AFF2: variants seen among roughly 807,000 people sequenced by gnomAD.
AFF2 encodes the protein AF4/FMR2 family member 2.
Under a neutral mutation model 76.9 loss-of-function variants are expected in AFF2, and 14 were observed. The ratio of observed to expected loss-of-function variants is 0.18; its 90% CI spans 0.12 to 0.28. The LOEUF (loss-of-function observed/expected upper bound fraction) is 0.28, where lower values mean the gene tolerates loss of function less well. Ranked by LOEUF, AFF2 falls within the 10% of genes least tolerant of loss-of-function variation. The pLI is 1.00. For missense variants in AFF2, 868 were observed against 1,001.1 expected, an observed-to-expected ratio of 0.87 and a Z score of 1.79; for synonymous variants, 398 against 366.7, an observed-to-expected ratio of 1.09 and a Z score of -0.98.
At chrX:148,716,913 G>A (rs782225089) in intron 3 of AFF2, among the ~76,000 whole-genome samples, 50 of 111,711 alleles carry the variant, frequency 4.5e-4, no homozygotes, top group Non-Finnish European at 7.9e-4. Context: ...AGAGGGAGGA[G>A]ACAGATAATA....
chrX:148,986,784 C>T (rs984544650), intron 19 of AFF2, among the ~76,000 whole-genome samples: 28 of 113,127 alleles, frequency 2.5e-4, no homozygotes, highest in South Asian at 3.6e-4. Context: ...TGCTGATAGC[C>T]GTTCCAGCAG....
chrX:148,542,316 A>G (rs782719991), intron 1 of AFF2, among the ~76,000 whole-genome samples: 4 of 107,993 alleles, frequency 3.7e-5, no homozygotes, highest in Admixed American at 3.1e-4. Flanking sequence ...TAGCGAACCA[A>G]CATTTCCCAA....
intron 4 of AFF2, among the ~76,000 whole-genome samples, chrX:148,824,805 G>T (rs2070368535): frequency 9.0e-6 from 1 of 111,576 alleles, no homozygotes; most frequent in African/African-American, 3.3e-5. Context: ...GGAGGCTGAG[G>T]TGAGAGGACT....
chrX:148,624,218 C>T (rs2053899405), intron 1 of AFF2, among the ~76,000 whole-genome samples: 2 of 111,370 alleles, frequency 1.8e-5, no homozygotes, highest in Admixed American at 1.9e-4. Context: ...CCCATCACCA[C>T]GTCTAACCTC....
intron 3 of AFF2, among the ~76,000 whole-genome samples, chrX:148,754,346 C>T (rs1557266715): frequency 9.0e-6 from 1 of 110,679 alleles, no homozygotes; most frequent in African/African-American, 3.3e-5. Context: ...TCCTAAGAAA[C>T]TTTGGAGGAT....
chrX:148,960,315 C>G (rs782369056), intron 12 of AFF2, among the ~76,000 whole-genome samples: 1 of 112,631 alleles, frequency 8.9e-6, no homozygotes, highest in South Asian at 3.7e-4. Context: ...CCCCAATCCA[C>G]TGAGTCATCT....
rs186156042 is a variant in AFF2, at chrX:148,819,092, C to A, written c.1086+9172C>A. On this transcript the variant is annotated intron_variant, in intron 4 of 20. Coordinates refer to ENST00000370460, the MANE Select transcript of AFF2 (RefSeq NM_002025.4). ...ACTCATATAATCACTATATCAATGCCGAGAAGCAAGTACTATTATCATCCC... is the reference window on the plus strand; with the variant it reads ...ACTCATATAATCACTATATCAATGCAGAGAAGCAAGTACTATTATCATCCC... Among the ~76,000 whole-genome samples, 89 of 110,711 alleles carry A rather than the reference C, an allele frequency of 8.0e-4. 6 individuals are homozygous for A. The South Asian group carries it at 0.032, about 40-fold the overall frequency.
intron 3 of AFF2, among the ~76,000 whole-genome samples, chrX:148,725,944 G>C (rs946309368): frequency 1.8e-5 from 2 of 111,677 alleles, no homozygotes; most frequent in African/African-American, 6.5e-5. Flanking sequence ...GTGTTGAAGG[G>C]CTATAGGCCA....
At chrX:148,861,100 A>C (rs917058972) in intron 7 of AFF2, among the ~76,000 whole-genome samples, 3 of 111,994 alleles carry the variant, frequency 2.7e-5, no homozygotes, top group Non-Finnish European at 5.6e-5. Context: ...TGGGAGAATC[A>C]TGTATGTGTC....
chrX:148,599,788 G>C (rs782211077), intron 1 of AFF2, among the ~76,000 whole-genome samples: 45 of 112,041 alleles, frequency 4.0e-4, no homozygotes, highest in Middle Eastern at 9.1e-3. Flanking sequence ...GAAATACTTA[G>C]ATTTGTTCTT....
intron 3 of AFF2, among the ~76,000 whole-genome samples, chrX:148,697,193 G>T (rs1192455168): frequency 8.9e-6 from 1 of 112,426 alleles, no homozygotes; most frequent in Non-Finnish European, 1.9e-5. Context: ...TGTGTATGTT[G>T]TGGAAATCCA....
chrX:148,849,076 A>G (rs2070700970), intron 7 of AFF2, among the ~76,000 whole-genome samples: 1 of 111,521 alleles, frequency 9.0e-6, no homozygotes, highest in Non-Finnish European at 1.9e-5. Flanking sequence ...GGCTAATGTG[A>G]CAACAAGCAA....
chrX:148,774,057 T>C (rs782204321), intron 3 of AFF2, among the ~76,000 whole-genome samples: 1 of 111,633 alleles, frequency 9.0e-6, no homozygotes, highest in African/African-American at 3.3e-5. Context: ...CAAGTATAAC[T>C]AGCAGCACAT....
chrX:148,945,722 C>G (rs1279145216), intron 9 of AFF2, among the ~76,000 whole-genome samples: 1 of 112,290 alleles, frequency 8.9e-6, no homozygotes, highest in Non-Finnish European at 1.9e-5. Flanking sequence ...CTCTTAAAAA[C>G]CTATGTGATA....
chrX:148,833,675 G>T lies in AFF2; in HGVS notation c.1087-3972G>T, dbSNP rs781867601. ...AATCCACCAAACAGATCTGCCATTTGCTGTGTGACCTTGGACAAGTCACTT... is the reference window on the plus strand; with the variant it reads ...AATCCACCAAACAGATCTGCCATTTTCTGTGTGACCTTGGACAAGTCACTT... On this transcript the variant is annotated intron_variant, in intron 4 of 20. Coordinates refer to ENST00000370460, the MANE Select transcript of AFF2 (RefSeq NM_002025.4). Among the ~76,000 whole-genome samples the T allele has an allele frequency of 4.5e-5, 5 of 111,449 alleles. No individual in the cohort carries two copies. The East Asian group carries it at 1.4e-3, about 31-fold the overall frequency.
intron 9 of AFF2, among the ~76,000 whole-genome samples, chrX:148,942,636 G>A (rs1181827668): frequency 5.4e-5 from 6 of 110,293 alleles, no homozygotes; most frequent in Non-Finnish European, 1.1e-4. Flanking sequence ...CCAACATGGT[G>A]AAACCCCATC....
chrX:148,750,080 G>A (rs1383820555), intron 3 of AFF2, among the ~76,000 whole-genome samples: 11 of 109,968 alleles, frequency 1.0e-4, no homozygotes, highest in African/African-American at 3.6e-4. Flanking sequence ...TGATTCTCCT[G>A]CCTCAGCCTC....
intron 9 of AFF2, among the ~76,000 whole-genome samples, chrX:148,943,487 C>T (rs782161647): frequency 8.9e-6 from 1 of 112,051 alleles, no homozygotes; most frequent in African/African-American, 3.2e-5. Flanking sequence ...TTCTCATTGC[C>T]TCTAGCTTGA....
chrX:148,838,879 C>T (rs2070561877), intron 5 of AFF2, among the ~76,000 whole-genome samples: 2 of 112,131 alleles, frequency 1.8e-5, no homozygotes, highest in South Asian at 7.5e-4. Flanking sequence ...TAATGATCTT[C>T]CTTCACCTAT....
Sources: gnomAD v4.1 joint callset for allele counts (sites outside exome capture counted in the v4.1 genomes callset) on GRCh38, gnomAD v4.1.1 for gene constraint, MANE v1.5 for transcripts, NCBI Gene and HGNC (gene_info 2026-07-23, HGNC 2026-07-21) for gene names.